Variants in COL4A4 observed in about 807,000 individuals in gnomAD.
The protein encoded by COL4A4 is collagen alpha-4(IV) chain.
Under a neutral mutation model 192.9 loss-of-function variants are expected in COL4A4, and 105 were observed. The ratio of observed to expected loss-of-function variants is 0.54; its 90% CI spans 0.46 to 0.64. The LOEUF (loss-of-function observed/expected upper bound fraction) is 0.64, where lower values mean the gene tolerates loss of function less well. Ranked by LOEUF, COL4A4 falls within the 30% of genes least tolerant of loss-of-function variation. The pLI is 0.00. For synonymous variants in COL4A4, 762 were observed against 769.9 expected, an observed-to-expected ratio of 0.99 and a Z score of 0.17; for missense variants, 1,967 against 2,169.3, an observed-to-expected ratio of 0.91 and a Z score of 1.85.
intron 36 of COL4A4, 44 bp from the exon 37 acceptor site, chr2:227,042,299 G>T (rs1297516489): frequency 5.4e-6 from 6 of 1,102,568 alleles, no homozygotes; most frequent in South Asian, 5.0e-5. Context: ...GATAATAAAT[G>T]AATTACATTC....
the COL4A4 span, among the ~76,000 whole-genome samples, chr2:226,980,931 ATCTC>A: frequency 6.6e-6 from 1 of 152,206 alleles, no homozygotes; most frequent in South Asian, 2.1e-4. Flanking sequence ...GTTATTGAAT[ATCTC>A]TCCGTAGCAG....
the COL4A4 span, chr2:226,988,763 C>T: frequency 5.6e-6 from 5 of 896,016 alleles, no homozygotes; most frequent in South Asian, 5.2e-5. Context: ...AGAATTATTC[C>T]TGTAAGAAGT....
chr2:227,072,907 T>A (rs1294490906), intron 25 of COL4A4, among the ~76,000 whole-genome samples: 3 of 151,720 alleles, frequency 2.0e-5, no homozygotes, highest in Non-Finnish European at 4.4e-5. Context: ...CAAATAATAA[T>A]AACTATGTAT....
intron 46 of COL4A4, among the ~76,000 whole-genome samples, chr2:227,009,731 GAA>G (rs1281141785): frequency 3.6e-4 from 16 of 44,956 alleles, no homozygotes; most frequent in Admixed American, 3.4e-3. Context: ...GAAGAGAAGA[GAA>G]AAGAGAAGAG....
chr2:226,974,948 C>G, the COL4A4 span, among the ~76,000 whole-genome samples: 1 of 152,154 alleles, frequency 6.6e-6, no homozygotes, highest in Non-Finnish European at 1.5e-5. Flanking sequence ...GCTCCTGTGG[C>G]ACAGATGAGG....
intron 8 of COL4A4, among the ~76,000 whole-genome samples, chr2:227,113,547 C>T (rs116402345): frequency 0.035 from 5,301 of 152,218 alleles, 304 homozygotes; most frequent in African/African-American, 0.12. Context: ...TCTTCTTTCA[C>T]AAATAACGAA....
At chr2:227,098,881 C>A in intron 18 of COL4A4, 83 bp from the exon 19 acceptor site, 2 of 1,130,128 alleles carry the variant, frequency 1.8e-6, no homozygotes, top group Middle Eastern at 3.9e-4. Flanking sequence ...TTGTGAGACT[C>A]AGTAAAGTAT....
chr2:227,080,364 A>G, intron 24 of COL4A4, 79 bp downstream of exon 24: 4 of 1,315,784 alleles, frequency 3.0e-6, no homozygotes, highest in Non-Finnish European at 4.4e-6. Context: ...CAGCTTGGCA[A>G]ATAGAGAAAG....
intron 24 of COL4A4, among the ~76,000 whole-genome samples, chr2:227,080,214 G>A (rs533632799): frequency 3.5e-4 from 53 of 152,250 alleles, no homozygotes; most frequent in Non-Finnish European, 5.4e-4. Flanking sequence ...ACCAAGGACC[G>A]AAAGTCCTGC....
At chr2:227,018,988 T>C (rs56146327) in intron 44 of COL4A4, among the ~76,000 whole-genome samples, 11,895 of 152,336 alleles carry the variant, frequency 0.078, 515 homozygotes, top group East Asian at 0.18. Flanking sequence ...TCACATATTT[T>C]TCTCTTCCTA....
chr2:226,985,180 G>A, the COL4A4 span, among the ~76,000 whole-genome samples: 3 of 152,206 alleles, frequency 2.0e-5, no homozygotes, highest in African/African-American at 7.2e-5. Flanking sequence ...CTAACACGAG[G>A]CAGCATGCAC....
intron 41 of COL4A4, among the ~76,000 whole-genome samples, chr2:227,028,908 C>A (rs921159224): frequency 3.9e-5 from 6 of 152,214 alleles, no homozygotes; most frequent in African/African-American, 1.4e-4. Flanking sequence ...GATCCTCACG[C>A]CTTGGCCTCC....
intron 44 of COL4A4, among the ~76,000 whole-genome samples, 189 bp from the exon 45 acceptor site, chr2:227,012,486 G>A (rs184734154): frequency 1.3e-3 from 193 of 152,130 alleles, no homozygotes; most frequent in African/African-American, 4.4e-3. Flanking sequence ...TGCAGTTGGC[G>A]TAACTGGGGC....
chr2:227,140,276 C>T (rs1398847215), intron 3 of COL4A4, 38 bp from the exon 4 acceptor site: 7 of 1,540,272 alleles, frequency 4.5e-6, no homozygotes, highest in Non-Finnish European at 6.3e-6. Flanking sequence ...TACCAGTACT[C>T]ATCGTTTAAC....
At chr2:227,058,504 A>C (rs1460940290) in intron 28 of COL4A4, among the ~76,000 whole-genome samples, 1 of 152,082 alleles carries the variant, frequency 6.6e-6, no homozygotes, top group Non-Finnish European at 1.5e-5. Context: ...TTATTTACAA[A>C]CTTCCATGCA....
chr2:227,143,318 T>G (rs2063343345), intron 3 of COL4A4, among the ~76,000 whole-genome samples: 1 of 152,234 alleles, frequency 6.6e-6, no homozygotes, highest in Non-Finnish European at 1.5e-5. Context: ...TCTGTATGCA[T>G]GAATCAGAAT....
chr2:227,157,491 A>G (rs934870461), intron 1 of COL4A4, among the ~76,000 whole-genome samples: 1 of 152,066 alleles, frequency 6.6e-6, no homozygotes, highest in East Asian at 1.9e-4. Flanking sequence ...AGAAAAATCA[A>G]TGAAACCCAA....
chr2:227,145,527 T>C (rs954502987), intron 2 of COL4A4, among the ~76,000 whole-genome samples: 15 of 152,204 alleles, frequency 9.9e-5, no homozygotes, highest in South Asian at 4.1e-4. Context: ...TCTGGATCCA[T>C]CATCTTATTT....
chr2:227,115,055 T>G (rs990704640), intron 7 of COL4A4, among the ~76,000 whole-genome samples: 4 of 151,120 alleles, frequency 2.6e-5, no homozygotes, highest in African/African-American at 9.9e-5. Flanking sequence ...CGTATATATA[T>G]ATATAGAGAG....
Sources: allele counts gnomAD v4.1 joint callset (sites outside exome capture counted in the v4.1 genomes callset), GRCh38; gene constraint gnomAD v4.1.1; transcripts MANE v1.5; gene names NCBI Gene and HGNC (gene_info 2026-07-23, HGNC 2026-07-21).